NR3C2: variants seen among roughly 807,000 people sequenced by gnomAD.
NR3C2 encodes mineralocorticoid receptor.
In NR3C2, 15 loss-of-function variants were observed where a neutral mutation model predicts 86.4. The observed-to-expected ratio is 0.17, with a 90% confidence interval of 0.12 to 0.27. The LOEUF (loss-of-function observed/expected upper bound fraction) is 0.27, where lower values mean the gene tolerates loss of function less well. NR3C2 is among the 10% of genes least tolerant of loss of function. The pLI, the probability that NR3C2 is intolerant of heterozygous loss-of-function variation, is 1.00. For missense variants in NR3C2, 960 were observed against 1,195.6 expected (o/e 0.80, Z 2.91); for synonymous variants, 458 against 450.5 (o/e 1.02, Z -0.21).
intron 2 of NR3C2, among the ~76,000 whole-genome samples, chr4:148,415,803 T>A (rs1748964355): frequency 6.6e-6 from 1 of 152,238 alleles, no homozygotes; most frequent in Admixed American, 6.5e-5. Context: ...TCATTACTGC[T>A]GCTCTTTTAA....
At chr4:148,173,493 T>A (rs898898563) in intron 4 of NR3C2, among the ~76,000 whole-genome samples, 1 of 152,242 alleles carries the variant, frequency 6.6e-6, no homozygotes. Context: ...AGCCAAAGAA[T>A]GTGGGCAGCC....
At chr4:148,113,696 T>A (rs536483822) in intron 8 of NR3C2, among the ~76,000 whole-genome samples, 1 of 152,178 alleles carries the variant, frequency 6.6e-6, no homozygotes, top group Non-Finnish European at 1.5e-5. Context: ...AGCTAAGGAA[T>A]CTGAGAGTGG....
intron 5 of NR3C2, 71 bp downstream of exon 5, chr4:148,154,480 G>A: frequency 7.2e-7 from 1 of 1,382,504 alleles, no homozygotes; most frequent in Non-Finnish European, 1.0e-6. Context: ...TGCATGGTTG[G>A]AGATGGCGAA....
At chr4:148,441,796 G>A (rs1158820932) in intron 1 of NR3C2, among the ~76,000 whole-genome samples, 1 of 152,202 alleles carries the variant, frequency 6.6e-6, no homozygotes, top group East Asian at 1.9e-4. Context: ...TGAGATTTGG[G>A]AGCGTCCGCA....
chr4:148,434,211 T>C (rs1267563609), intron 2 of NR3C2, among the ~76,000 whole-genome samples: 1 of 152,156 alleles, frequency 6.6e-6, no homozygotes, highest in Non-Finnish European at 1.5e-5. Context: ...CATAAAGGAA[T>C]AATTTATCAC....
chr4:148,137,507 C>A (rs1733400539), intron 6 of NR3C2, among the ~76,000 whole-genome samples: 1 of 152,110 alleles, frequency 6.6e-6, no homozygotes, highest in Admixed American at 6.5e-5. Context: ...AGACTATGAG[C>A]CCTTTTAGGG....
chr4:148,271,082 C>G (rs2115799), intron 2 of NR3C2, among the ~76,000 whole-genome samples: 152,273 of 152,318 alleles, frequency 1, 76,114 homozygotes, highest in Non-Finnish European at 1. Context: ...GGTCTTCAAG[C>G]GCAAACATTA....
intron 3 of NR3C2, among the ~76,000 whole-genome samples, chr4:148,256,500 G>A (rs190336168): frequency 3.1e-4 from 47 of 152,196 alleles, no homozygotes; most frequent in South Asian, 1.0e-3. Context: ...TCACAGCAAT[G>A]TTCGGGTAGG....
intron 4 of NR3C2, among the ~76,000 whole-genome samples, chr4:148,163,866 G>A (rs1734769614): frequency 6.6e-6 from 1 of 152,156 alleles, no homozygotes; most frequent in Admixed American, 6.5e-5. Flanking sequence ...AGTGACTTAT[G>A]CAATAACTAT....
chr4:148,161,726 A>C lies in NR3C2; in HGVS notation c.2015-6825T>G, dbSNP rs61757909. ...TATGTTTATTACTTAGCAAATAACT[A>C]ATATCCACCCATTGTATAAGAAGTA... On this transcript the variant is annotated intron_variant, in intron 4 of 8. Transcript: ENST00000358102. Among the ~76,000 whole-genome samples the C allele has an allele frequency of 9.2e-5, 14 of 152,296 alleles. No homozygotes were observed. In the South Asian group the frequency reaches 2.3e-3, roughly 25 times the overall value.
chr4:148,282,287 C>T (rs1741286001), intron 2 of NR3C2, among the ~76,000 whole-genome samples: 1 of 152,158 alleles, frequency 6.6e-6, no homozygotes, highest in Non-Finnish European at 1.5e-5. Context: ...GCCTTGGCCT[C>T]CCAAAGTGCT....
chr4:148,322,911 G>A (rs1359659675), intron 2 of NR3C2, among the ~76,000 whole-genome samples: 2 of 141,930 alleles, frequency 1.4e-5, no homozygotes, highest in African/African-American at 5.2e-5. Flanking sequence ...GCTTTGTTCC[G>A]TTGCTGGTGA....
chr4:148,442,499 C>T (rs1332132618), upstream of NR3C2: 3 of 294,884 alleles, frequency 1.0e-5, no homozygotes, highest in Admixed American at 6.5e-5. Context: ...GGGAGTGGGC[C>T]AGCTGGAGGG....
At chr4:148,120,350 A>G (rs1732460296) in intron 6 of NR3C2, 62 bp from the exon 7 acceptor site, 2 of 1,600,672 alleles carry the variant, frequency 1.2e-6, no homozygotes, top group Admixed American at 1.7e-5. Flanking sequence ...CCAGACTGGC[A>G]GCCTGAGGCA....
intron 8 of NR3C2, among the ~76,000 whole-genome samples, chr4:148,094,853 C>T (rs1731213458): frequency 6.6e-6 from 1 of 151,706 alleles, no homozygotes; most frequent in Non-Finnish European, 1.5e-5. Context: ...ACACAGAGAG[C>T]TATTATTCAG....
chr4:148,176,964 TTTC>T (rs1735407134), intron 4 of NR3C2, among the ~76,000 whole-genome samples: 1 of 152,182 alleles, frequency 6.6e-6, no homozygotes, highest in African/African-American at 2.4e-5. Flanking sequence ...CATTTTGGAG[TTTC>T]TTATTTTCAT....
chr4:148,083,428 C>G (rs940014440), intron 8 of NR3C2, among the ~76,000 whole-genome samples: 18 of 152,200 alleles, frequency 1.2e-4, no homozygotes, highest in African/African-American at 4.3e-4. Flanking sequence ...CAGCAAACTC[C>G]AGCAGACCTG....
At chr4:148,367,387 T>C (rs1213964697) in intron 2 of NR3C2, among the ~76,000 whole-genome samples, 1 of 152,164 alleles carries the variant, frequency 6.6e-6, no homozygotes, top group Non-Finnish European at 1.5e-5. Flanking sequence ...AAATCAACAA[T>C]GCCATAATTT....
chr4:148,281,956 G>A (rs1165996170), intron 2 of NR3C2, among the ~76,000 whole-genome samples: 1 of 152,226 alleles, frequency 6.6e-6, no homozygotes, highest in Non-Finnish European at 1.5e-5. Context: ...GATACTTGAA[G>A]TGGGCCTTGA....
Sources: allele counts gnomAD v4.1 joint callset (sites outside exome capture counted in the v4.1 genomes callset), GRCh38; gene constraint gnomAD v4.1.1; transcripts MANE v1.5; gene names NCBI Gene and HGNC (gene_info 2026-07-23, HGNC 2026-07-21).